The following UNC13C variants were observed in gnomAD, a reference collection of about 807,000 sequenced individuals.
UNC13C encodes the protein unc-13 homolog C.
UNC13C carries 174 observed loss-of-function variants against 245.4 expected under a neutral mutation model. The observed-to-expected ratio is 0.71, with a 90% CI of 0.63 to 0.80. UNC13C has a LOEUF of 0.80. Ranked by LOEUF, UNC13C falls within the 30% of genes least tolerant of loss-of-function variation. The pLI, the probability that UNC13C is intolerant of heterozygous loss-of-function variation, is 0.00. For missense variants in UNC13C, 2,829 were observed against 2,602.9 expected, an observed-to-expected ratio of 1.09 and a Z score of -1.89; for synonymous variants, 992 against 895.1, an observed-to-expected ratio of 1.11 and a Z score of -1.93.
intron 4 of UNC13C, among the ~76,000 whole-genome samples, chr15:54,221,025 T>C (rs1485911296): frequency 6.6e-6 from 1 of 152,084 alleles, no homozygotes; most frequent in Non-Finnish European, 1.5e-5. Context: ...ACAATTCTGA[T>C]GAAGTCTAAT....
intron 19 of UNC13C, among the ~76,000 whole-genome samples, chr15:54,432,876 G>T (rs946160254): frequency 6.6e-6 from 1 of 151,516 alleles, no homozygotes; most frequent in Admixed American, 6.6e-5. Context: ...AAAGAGAGAA[G>T]AATCAAATAG....
intron 30 of UNC13C, among the ~76,000 whole-genome samples, chr15:54,619,687 A>G (rs1454971308): frequency 6.6e-6 from 1 of 152,196 alleles, no homozygotes; most frequent in African/African-American, 2.4e-5. Context: ...GTCAGAGGAC[A>G]CTAATGTTGT....
Position 54,626,876 on chromosome 15 carries a change from A to T in UNC13C, c.6408A>T (p.Ser2136=). ...CAGGGGCTTATGAACTTCATCTCTC[A>T]GTTAAGGATTACTGCTTTGCCAGAG... ...NRPGAYELHL[S]VKDYCFARED... is the part of the protein sequence containing the mutation. The change falls in exon 33 of 33, where the codon TCA becomes TCT. Residue 2136 remains serine (S), a synonymous_variant. Coordinates refer to ENST00000260323, the MANE Select transcript of UNC13C (RefSeq NM_001080534.3). 6.2e-7 allele frequency: 1 copy of T among 1,613,248 alleles called. No homozygotes were observed. Among genetic ancestry groups the T allele is most frequent in the Non-Finnish European group, 8.5e-7 (1 of 1,179,504 alleles).
At chr15:54,177,098 G>GA (rs553507722) in intron 4 of UNC13C, among the ~76,000 whole-genome samples, 1 of 152,006 alleles carries the variant, frequency 6.6e-6, no homozygotes, top group Admixed American at 6.5e-5. Context: ...AAGGCATTCT[G>GA]AAAAAAAGAT....
chr15:54,426,643 A>G (rs66620577), intron 19 of UNC13C, among the ~76,000 whole-genome samples: 37,660 of 151,544 alleles, frequency 0.25, 4,796 homozygotes, highest in Admixed American at 0.29. Flanking sequence ...GTAAATAGTA[A>G]GAAGTAGAGA....
chr15:54,001,584 A>T lies in UNC13C; in HGVS notation c.-256-11064A>T, dbSNP rs573759042. 2.2e-4 allele frequency among the ~76,000 whole-genome samples: 34 copies of T among 152,258 alleles called. No homozygotes were observed. In the South Asian group the frequency reaches 3.1e-3, roughly 14 times the overall value. ...GTCAGTAAACGAGTAGGGGTAGAGG[A>T]AGGGTCTGCTCAGATGGGAATCGTA... On this transcript the variant is annotated intron_variant, in intron 1 of 32. Coordinates refer to ENST00000260323, the MANE Select transcript of UNC13C (RefSeq NM_001080534.3).
chr15:54,239,199 C>A (rs1225936626), intron 7 of UNC13C, among the ~76,000 whole-genome samples: 1 of 152,150 alleles, frequency 6.6e-6, no homozygotes, highest in Non-Finnish European at 1.5e-5. Context: ...CATTTAAACA[C>A]CATTTTTATG....
At chr15:54,095,610 A>G (rs2141143997) in intron 2 of UNC13C, among the ~76,000 whole-genome samples, 1 of 152,312 alleles carries the variant, frequency 6.6e-6, no homozygotes, top group Admixed American at 6.5e-5. Context: ...CTTAGGTCTC[A>G]TCCCAGACCT....
chr15:53,952,067 G>A, the UNC13C span, among the ~76,000 whole-genome samples: 5 of 152,152 alleles, frequency 3.3e-5, no homozygotes, highest in Non-Finnish European at 7.3e-5. Context: ...GAGGGTTTGG[G>A]CAATGCTGAG....
chr15:54,270,682 T>A (rs531219108), intron 10 of UNC13C, among the ~76,000 whole-genome samples: 4 of 151,900 alleles, frequency 2.6e-5, no homozygotes, highest in South Asian at 2.1e-4. Flanking sequence ...AAAAAAAAAA[T>A]TCTACTAAAA....
chr15:54,096,339 G>GAAA (rs5812740), intron 2 of UNC13C, among the ~76,000 whole-genome samples: 13 of 150,928 alleles, frequency 8.6e-5, no homozygotes, highest in African/African-American at 2.0e-4. Flanking sequence ...TCTCTATTTG[G>GAAA]AAAAAAAAAG....
At chr15:54,359,712 C>A (rs992842889) in intron 17 of UNC13C, among the ~76,000 whole-genome samples, 1 of 151,872 alleles carries the variant, frequency 6.6e-6, no homozygotes, top group African/African-American at 2.4e-5. Context: ...CTTTTATCAT[C>A]TCTAATTATG....
intron 10 of UNC13C, among the ~76,000 whole-genome samples, chr15:54,268,268 A>G (rs559952247): frequency 1.3e-5 from 2 of 152,006 alleles, no homozygotes; most frequent in South Asian, 4.1e-4. Context: ...TAATTTTCAT[A>G]TTAGGCATTT....
At chr15:54,062,685 G>A (rs1897897422) in intron 2 of UNC13C, among the ~76,000 whole-genome samples, 1 of 152,178 alleles carries the variant, frequency 6.6e-6, no homozygotes, top group African/African-American at 2.4e-5. Flanking sequence ...AAGGGAGCTT[G>A]ATAGTCATGC....
At chr15:54,110,660 A>T (rs1414598810) in intron 2 of UNC13C, among the ~76,000 whole-genome samples, 3 of 152,230 alleles carry the variant, frequency 2.0e-5, no homozygotes, top group African/African-American at 7.2e-5. Context: ...GAGAAAATTA[A>T]TTATTAGTTT....
At chr15:54,572,721 C>T (rs1018245642) in intron 30 of UNC13C, among the ~76,000 whole-genome samples, 6 of 151,978 alleles carry the variant, frequency 3.9e-5, no homozygotes, top group Non-Finnish European at 8.8e-5. Flanking sequence ...CTACCGTGCC[C>T]GGCCTGTCTC....
intron 11 of UNC13C, among the ~76,000 whole-genome samples, chr15:54,296,358 G>A (rs1172922398): frequency 2.0e-5 from 3 of 147,882 alleles, no homozygotes; most frequent in African/African-American, 7.7e-5. Context: ...CTGCAACCAC[G>A]GCCGGCTAAT....
intron 27 of UNC13C, among the ~76,000 whole-genome samples, chr15:54,548,969 C>T (rs1896613692): frequency 1.3e-5 from 2 of 152,120 alleles, no homozygotes. Context: ...GATAAAACAT[C>T]TAGATAACAT....
At chr15:54,124,939 T>G (rs1208560948) in intron 2 of UNC13C, among the ~76,000 whole-genome samples, 14 of 152,230 alleles carry the variant, frequency 9.2e-5, no homozygotes, top group Non-Finnish European at 1.9e-4. Flanking sequence ...AAAAAATCAG[T>G]TGACCAGAAA....
Sources: allele counts gnomAD v4.1 joint callset (sites outside exome capture counted in the v4.1 genomes callset), GRCh38; gene constraint gnomAD v4.1.1; transcripts MANE v1.5; gene names NCBI Gene and HGNC (gene_info 2026-07-23, HGNC 2026-07-21).